The following RNF13 variants were observed in gnomAD, a reference collection of about 807,000 sequenced individuals.
The protein encoded by RNF13 is ring finger protein 13.
In RNF13, 19 loss-of-function variants were observed where a neutral mutation model predicts 37.7. The observed-to-expected ratio is 0.50, with a 90% CI of 0.35 to 0.74. The LOEUF is 0.74. Among genes scored for constraint, RNF13 ranks in the 30% least tolerant of loss-of-function variants. The pLI, the probability that RNF13 is intolerant of heterozygous loss-of-function variation, is 0.01. For synonymous variants in RNF13, 144 were observed against 157.8 expected, an observed-to-expected ratio of 0.91 and a Z score of 0.65; for missense variants, 375 against 453.0, an observed-to-expected ratio of 0.83 and a Z score of 1.56.
chr3:149,867,508 A>G (rs1711513749), intron 3 of RNF13, among the ~76,000 whole-genome samples: 1 of 151,398 alleles, frequency 6.6e-6, no homozygotes. Flanking sequence ...CTTGTGATCC[A>G]CCTGCCTCGG....
chr3:149,816,254 C>T (rs547320107), intron 1 of RNF13, among the ~76,000 whole-genome samples: 6 of 152,170 alleles, frequency 3.9e-5, no homozygotes, highest in Non-Finnish European at 5.9e-5. Context: ...AGATACATAA[C>T]TTCTGAGTTC....
Position 149,846,113 on chromosome 3 carries a change from A to G in RNF13, c.87A>G (p.Leu29=). 2 of 1,612,484 alleles carry G rather than the reference A, an allele frequency of 1.2e-6. No individual in the cohort carries two copies. Among genetic ancestry groups the G allele is most frequent in the Non-Finnish European group, 1.7e-6 (2 of 1,178,754 alleles). ...TCCAGCTCTTTGCATTCTTAAACCTACTGCCTGTAGAAGCAGACATTTTAG... is the reference window on the plus strand; with the variant it reads ...TCCAGCTCTTTGCATTCTTAAACCTGCTGCCTGTAGAAGCAGACATTTTAG... ...LTVQLFAFLN[L]LPVEADILAY... Residue 29 remains leucine, a synonymous_variant, in exon 2 of 10, where the codon CTA becomes CTG. Coordinates refer to ENST00000392894, the MANE Select transcript of RNF13 (RefSeq NM_183381.3).
chr3:149,942,902 C>T (rs910887313), intron 8 of RNF13, among the ~76,000 whole-genome samples: 1 of 152,052 alleles, frequency 6.6e-6, no homozygotes, highest in Non-Finnish European at 1.5e-5. Context: ...GTATTTGTGT[C>T]ATGAGATTGT....
intron 1 of RNF13, among the ~76,000 whole-genome samples, chr3:149,829,546 T>C (rs1224206568): frequency 6.6e-6 from 1 of 152,234 alleles, no homozygotes; most frequent in Non-Finnish European, 1.5e-5. Context: ...TCTTAGATTA[T>C]GCTTGCTTTT....
intron 8 of RNF13, among the ~76,000 whole-genome samples, chr3:149,932,045 T>C (rs1197159331): frequency 6.6e-6 from 1 of 152,220 alleles, no homozygotes; most frequent in Admixed American, 6.5e-5. Context: ...TAGTATTCCA[T>C]TGTGTATATA....
chr3:149,924,721 GAT>G (rs1375483627), intron 8 of RNF13, among the ~76,000 whole-genome samples: 1 of 152,158 alleles, frequency 6.6e-6, no homozygotes, highest in Non-Finnish European at 1.5e-5. Context: ...AGGAATTAGA[GAT>G]AGTTTTTGTA....
At chr3:149,875,391 C>G (rs186239335) in intron 4 of RNF13, among the ~76,000 whole-genome samples, 2 of 152,192 alleles carry the variant, frequency 1.3e-5, no homozygotes, top group East Asian at 3.9e-4. Context: ...TTTTACAACT[C>G]TTTTAGTTTT....
intron 8 of RNF13, among the ~76,000 whole-genome samples, chr3:149,935,491 G>A (rs889449505): frequency 2.6e-5 from 4 of 151,676 alleles, no homozygotes; most frequent in African/African-American, 9.7e-5. Context: ...TTATGATTGT[G>A]CAAATTTCTC....
chr3:149,880,490 G>A (rs936883113), intron 4 of RNF13, among the ~76,000 whole-genome samples: 1 of 151,848 alleles, frequency 6.6e-6, no homozygotes, highest in Non-Finnish European at 1.5e-5. Flanking sequence ...TAACTGGTGT[G>A]GTTCATTACA....
chr3:149,945,720 T>G (rs1037585651), intron 8 of RNF13, among the ~76,000 whole-genome samples: 3 of 152,138 alleles, frequency 2.0e-5, no homozygotes, highest in Non-Finnish European at 4.4e-5. Flanking sequence ...GAGATGAAGC[T>G]TCTGGAGGAA....
At chr3:149,898,470 G>A (rs183254506) in intron 5 of RNF13, among the ~76,000 whole-genome samples, 5 of 152,160 alleles carry the variant, frequency 3.3e-5, no homozygotes, top group Non-Finnish European at 2.9e-5. Context: ...AGTACTTTCC[G>A]GGTACTGCTT....
chr3:149,878,585 T>G (rs1713021769), intron 4 of RNF13, among the ~76,000 whole-genome samples: 1 of 152,234 alleles, frequency 6.6e-6, no homozygotes, highest in Non-Finnish European at 1.5e-5. Context: ...TAGATAAAAT[T>G]AATGATTTAC....
At chr3:149,911,110 G>C (rs1716955014) in intron 6 of RNF13, among the ~76,000 whole-genome samples, 1 of 152,082 alleles carries the variant, frequency 6.6e-6, no homozygotes, top group South Asian at 2.1e-4. Context: ...TATTTGACCA[G>C]TTTTTCATTC....
intron 5 of RNF13, among the ~76,000 whole-genome samples, chr3:149,900,377 C>A (rs749455030): frequency 6.6e-6 from 1 of 151,746 alleles, no homozygotes; most frequent in Non-Finnish European, 1.5e-5. Context: ...GAAAATATCT[C>A]CCAAATATAA....
At chr3:149,878,175 C>T (rs868381365) in intron 4 of RNF13, among the ~76,000 whole-genome samples, 2 of 152,114 alleles carry the variant, frequency 1.3e-5, no homozygotes, top group Non-Finnish European at 2.9e-5. Flanking sequence ...TAATCACAGA[C>T]ATCAGAATGC....
At chr3:149,886,318 G>GT (rs1714028789) in intron 4 of RNF13, among the ~76,000 whole-genome samples, 1 of 152,214 alleles carries the variant, frequency 6.6e-6, no homozygotes, top group Admixed American at 6.5e-5. Context: ...ATTGCTTTGG[G>GT]TAGTGTGGGC....
chr3:149,935,550 A>G (rs1400799920), intron 8 of RNF13, among the ~76,000 whole-genome samples: 1 of 152,032 alleles, frequency 6.6e-6, no homozygotes, highest in Admixed American at 6.5e-5. Context: ...GTTACCTATT[A>G]TAGGTGTTTT....
chr3:149,922,022 G>T (rs1030589229), intron 8 of RNF13, among the ~76,000 whole-genome samples: 5 of 151,892 alleles, frequency 3.3e-5, no homozygotes, highest in African/African-American at 1.2e-4. Flanking sequence ...CACCCAGGCT[G>T]GAGTGCAGTG....
intron 1 of RNF13, among the ~76,000 whole-genome samples, chr3:149,840,503 TC>T (rs1722069918): frequency 6.6e-6 from 1 of 152,188 alleles, no homozygotes; most frequent in Non-Finnish European, 1.5e-5. Context: ...TAGATTTTTT[TC>T]TATGTTTTCT....
Sources: allele counts gnomAD v4.1 joint callset (sites outside exome capture counted in the v4.1 genomes callset), GRCh38; gene constraint gnomAD v4.1.1; transcripts MANE v1.5; gene names NCBI Gene and HGNC (gene_info 2026-07-23, HGNC 2026-07-21).